Variants in SOBP observed in about 807,000 individuals in gnomAD.
SOBP encodes the protein sine oculis binding protein homolog, also known as sine oculis-binding protein homolog.
In SOBP, 4 loss-of-function variants were observed where a neutral mutation model predicts 53.6. The ratio of observed to expected loss-of-function variants is 0.07; its 90% confidence interval spans 0.04 to 0.17. The LOEUF (loss-of-function observed/expected upper bound fraction) is 0.17. Ranked by LOEUF, SOBP falls within the 10% of genes least tolerant of loss-of-function variation. The pLI is 1.00. For synonymous variants in SOBP, 584 were observed against 522.6 expected, an observed-to-expected ratio of 1.12 and a Z score of -1.60; for missense variants, 1,088 against 1,204.7, an observed-to-expected ratio of 0.90 and a Z score of 1.43.
chr6:107,610,835 A>G (rs1679140665), intron 5 of SOBP, among the ~76,000 whole-genome samples: 1 of 151,446 alleles, frequency 6.6e-6, no homozygotes, highest in Non-Finnish European at 1.5e-5. Context: ...TACACACACC[A>G]TGGACTTAAT....
Position 107,623,778 on chromosome 6 carries a change from G to A in SOBP, c.670-9736G>A, listed in dbSNP as rs377238713. On this transcript the variant is annotated intron_variant, in intron 5 of 6. Coordinates refer to ENST00000317357, the MANE Select transcript of SOBP (RefSeq NM_018013.4). ...ATATTATTAAAGAAATAGTTGATGA[G>A]CCCTTAGAAGAAAAAGGTTTCGGTT... Among the ~76,000 whole-genome samples the A allele has an allele frequency of 1.9e-4, 29 of 152,260 alleles. No homozygotes were observed. The East Asian group carries it at 4.6e-3, about 24-fold the overall frequency.
intron 6 of SOBP, among the ~76,000 whole-genome samples, chr6:107,650,489 CTG>C (rs1316377270): frequency 6.6e-6 from 1 of 152,208 alleles, no homozygotes; most frequent in East Asian, 1.9e-4. Flanking sequence ...CTTTATGTCT[CTG>C]TGTCACATTT....
chr6:107,543,155 T>C (rs1428468294), intron 4 of SOBP, among the ~76,000 whole-genome samples: 1 of 152,224 alleles, frequency 6.6e-6, no homozygotes, highest in Admixed American at 6.5e-5. Flanking sequence ...AGATATCATT[T>C]GGAGTTATAA....
At chr6:107,614,077 A>G (rs759359243) in intron 5 of SOBP, among the ~76,000 whole-genome samples, 10 of 152,356 alleles carry the variant, frequency 6.6e-5, no homozygotes, top group Non-Finnish European at 1.0e-4. Flanking sequence ...AGCCTGGCCC[A>G]TGATGGTCTG....
chr6:107,583,014 TC>T (rs1446119606), intron 4 of SOBP, among the ~76,000 whole-genome samples: 2 of 152,232 alleles, frequency 1.3e-5, no homozygotes, highest in African/African-American at 4.8e-5. Context: ...GTCGTTGGTG[TC>T]CTATGTCCAC....
chr6:107,601,296 C>T (rs189343268), intron 5 of SOBP, among the ~76,000 whole-genome samples: 1 of 152,204 alleles, frequency 6.6e-6, no homozygotes, highest in Non-Finnish European at 1.5e-5. Context: ...TATGGCACAT[C>T]TTGTCCTCTT....
chr6:107,588,736 A>G (rs1015289270), intron 5 of SOBP, among the ~76,000 whole-genome samples: 5 of 152,230 alleles, frequency 3.3e-5, no homozygotes, highest in African/African-American at 1.2e-4. Flanking sequence ...GAAGCAAAAC[A>G]TATATGTGAA....
chr6:107,580,560 C>T (rs1785371005), intron 4 of SOBP, among the ~76,000 whole-genome samples: 2 of 152,142 alleles, frequency 1.3e-5, no homozygotes, highest in African/African-American at 2.4e-5. Context: ...ACCAAGGAGT[C>T]TCAGACAGAC....
chr6:107,620,371 C>T (rs747275666), intron 5 of SOBP, among the ~76,000 whole-genome samples: 1 of 152,196 alleles, frequency 6.6e-6, no homozygotes, highest in Non-Finnish European at 1.5e-5. Flanking sequence ...CCACTCTCTC[C>T]ACCACTATTT....
intron 5 of SOBP, among the ~76,000 whole-genome samples, chr6:107,592,847 T>A (rs1785807293): frequency 6.6e-6 from 1 of 152,198 alleles, no homozygotes; most frequent in South Asian, 2.1e-4. Context: ...ATTCCCGTAG[T>A]TTCCTAAACT....
chr6:107,499,777 A>G (rs1195986717), intron 1 of SOBP, among the ~76,000 whole-genome samples: 1 of 152,228 alleles, frequency 6.6e-6, no homozygotes, highest in Non-Finnish European at 1.5e-5. Context: ...GGTCTTCAGG[A>G]GAAATGCTGG....
chr6:107,633,936 C>G lies in SOBP; in HGVS notation c.1092C>G (p.Val364=). The change falls in exon 6 of 7, where the codon GTC becomes GTG. Residue 364 remains valine (V), a synonymous_variant. Coordinates refer to ENST00000317357, the MANE Select transcript of SOBP (RefSeq NM_018013.4). ...PISETPNIPP[V]SVQPPASIGP... is the part of the protein sequence containing the mutation. Reference sequence around the variant, plus strand: ...GCGAGACTCCAAATATCCCTCCTGTCTCCGTCCAGCCACCTGCTAGCATCG... The same window carrying G: ...GCGAGACTCCAAATATCCCTCCTGTGTCCGTCCAGCCACCTGCTAGCATCG... 3 of 1,614,246 alleles carry G rather than the reference C, an allele frequency of 1.9e-6. No homozygotes were observed. The highest frequency in any genetic ancestry group is 1.7e-6 in the Non-Finnish European group (2 of 1,180,042).
intron 4 of SOBP, among the ~76,000 whole-genome samples, chr6:107,541,169 C>G (rs1784137172): frequency 1.3e-5 from 2 of 152,032 alleles, no homozygotes; most frequent in Non-Finnish European, 2.9e-5. Flanking sequence ...GTTAACCACT[C>G]CTATTATAAA....
At chr6:107,496,912 A>G in intron 1 of SOBP, among the ~76,000 whole-genome samples, 1 of 152,224 alleles carries the variant, frequency 6.6e-6, no homozygotes, top group Non-Finnish European at 1.5e-5. Flanking sequence ...GCAGAACCAT[A>G]AAATAAAACT....
At chr6:107,542,397 G>A (rs1396164899) in intron 4 of SOBP, among the ~76,000 whole-genome samples, 1 of 152,198 alleles carries the variant, frequency 6.6e-6, no homozygotes, top group African/African-American at 2.4e-5. Flanking sequence ...GATGTCTGGA[G>A]CGGAATGATC....
chr6:107,610,185 A>G (rs1381343034), intron 5 of SOBP, among the ~76,000 whole-genome samples: 1 of 152,162 alleles, frequency 6.6e-6, no homozygotes, highest in Non-Finnish European at 1.5e-5. Context: ...CTGCGAGTAG[A>G]AGGGGAATGA....
At position 107,506,270 on chromosome 6, in the gene SOBP, C is replaced by G. The variant is rs372278020; in HGVS notation, c.264C>G (p.Pro88=). 6.8e-6 allele frequency: 11 copies of G among 1,614,038 alleles called. No homozygotes were observed. The Admixed American group carries it at 1.7e-4, about 24-fold the overall frequency. The change falls in exon 3 of 7, where the codon CCC becomes CCG. Residue 88 remains proline, a synonymous_variant. Coordinates refer to ENST00000317357, the MANE Select transcript of SOBP (RefSeq NM_018013.4). ...KENSLPKPKL[P]EDSVISPYNI... Reference sequence around the variant, plus strand: ...ATTCTTTGCCAAAACCAAAATTACCCGAGGACAGTGTTATTTCACCATACA... The same window carrying G: ...ATTCTTTGCCAAAACCAAAATTACCGGAGGACAGTGTTATTTCACCATACA...
At position 107,634,693 on chromosome 6, in the gene SOBP, C is replaced by G. The variant is rs1391586266; in HGVS notation, c.1849C>G (p.Arg617Gly). Residue 617 changes from arginine (R) to glycine (G), a missense_variant, in exon 6 of 7, where the codon CGG becomes GGG. Coordinates refer to ENST00000317357, the MANE Select transcript of SOBP (RefSeq NM_018013.4). The surrounding 1 kb of genome is among the most constrained non-coding windows in gnomAD (Gnocchi z 4.5). ...GGCGCCCACGCCCGCCGAGCATGGC[C>G]GGAGCGAGGTGGTGGACCTGACGCG... ...SLAPTPAEHG[R>G]SEVVDLTRRA... 12 of 1,522,282 alleles carry G rather than the reference C, an allele frequency of 7.9e-6. No homozygotes were observed. The highest frequency in any genetic ancestry group is 2.5e-5 in the East Asian group (1 of 39,492). The allele number at this position is 1,522,282 out of a possible 1,614,324, so 94.3% of individuals were successfully genotyped here. A position where few individuals can be genotyped will look rare whatever the true frequency, so the allele number is the denominator to read the frequency against.
chr6:107,506,092 T>TGAACTGTG (rs1208384980), intron 2 of SOBP, 150 bp from the exon 3 acceptor site: 1 of 690,306 alleles, frequency 1.4e-6, no homozygotes, highest in Non-Finnish European at 2.5e-6. Context: ...AGTTCCTGGA[T>TGAACTGTG]GAACTGTGGA....
Sources: allele counts gnomAD v4.1 joint callset (sites outside exome capture counted in the v4.1 genomes callset), GRCh38; gene constraint gnomAD v4.1.1; non-coding constraint Gnocchi (gnomAD v3.1); transcripts MANE v1.5; gene names NCBI Gene and HGNC (gene_info 2026-07-23, HGNC 2026-07-21).